Variants in MTRR observed in about 807,000 individuals in gnomAD.
MTRR encodes the protein 5-methyltetrahydrofolate-homocysteine methyltransferase reductase.
Under a neutral mutation model 79.2 loss-of-function variants are expected in MTRR, and 63 were observed. The observed-to-expected ratio is 0.80, with a 90% CI of 0.65 to 0.98. The LOEUF (loss-of-function observed/expected upper bound fraction) is 0.98, where lower values mean the gene tolerates loss of function less well. Ranked by LOEUF, MTRR falls within the 50% of genes least tolerant of loss-of-function variation. The probability of loss-of-function intolerance (pLI) is 0.00; values close to 1 mark genes in which losing one functional copy is unlikely to be tolerated. For synonymous variants in MTRR, 355 were observed against 313.3 expected, an observed-to-expected ratio of 1.13 and a Z score of -1.41; for missense variants, 895 against 839.6, an observed-to-expected ratio of 1.07 and a Z score of -0.82.
intron 8 of MTRR, among the ~76,000 whole-genome samples, chr5:7,886,926 T>C (rs1385443379): frequency 6.6e-6 from 1 of 152,184 alleles, no homozygotes; most frequent in East Asian, 1.9e-4. Context: ...TCTATTGAAA[T>C]GAGGGCTTAA....
intron 1 of MTRR, chr5:7,869,429 C>G (rs376802123): frequency 1.7e-6 from 1 of 579,092 alleles, no homozygotes; most frequent in Non-Finnish European, 3.0e-6. Flanking sequence ...TCCTTGGGCT[C>G]GGCGTCGGCC....
chr5:7,865,547 C>A (rs1475247929), upstream of MTRR, among the ~76,000 whole-genome samples: 1 of 152,182 alleles, frequency 6.6e-6, no homozygotes. Flanking sequence ...GGTATTTGTT[C>A]AGTCCAGACA....
intron 14 of MTRR, among the ~76,000 whole-genome samples, chr5:7,898,898 A>G (rs1176709889): frequency 2.0e-5 from 3 of 152,196 alleles, no homozygotes. Flanking sequence ...CTGTTGAGGA[A>G]TACCTGAGAC....
rs17208190 is a variant in MTRR, at chr5:7,897,416, G to T, written c.1952+169G>T. On this transcript the variant is annotated intron_variant, in intron 14 of 14. Transcript: ENST00000440940. ...TGAAATGATTTTGACATATTTAATA[G>T]CCCAGAGGTTGTTATTATCAGGGAA... is the stretch of plus-strand genomic sequence containing the variant. 6.2e-3 allele frequency among the ~76,000 whole-genome samples: 937 copies of T among 152,266 alleles called. 3 individuals are homozygous for T. The highest frequency in any genetic ancestry group is 0.01 in the Middle Eastern group (3 of 294).
chr5:7,892,674 T>C, intron 10 of MTRR, 53 bp from the exon 11 acceptor site: 1 of 1,542,202 alleles, frequency 6.5e-7, no homozygotes, highest in African/African-American at 1.4e-5. Flanking sequence ...GTTTGACCCA[T>C]ATGTGTAGTA....
upstream of MTRR, chr5:7,866,565 ATTGCCTTTATATGTG>A (rs1746965054): frequency 4.4e-4 from 453 of 1,033,752 alleles, 5 homozygotes; most frequent in South Asian, 6.6e-3. Context: ...AAGGCAACAT[ATTGCCTTTATATGTG>A]ACTTGAAACC....
At chr5:7,891,997 G>A (rs532430878) in intron 10 of MTRR, among the ~76,000 whole-genome samples, 1 of 152,096 alleles carries the variant, frequency 6.6e-6, no homozygotes, top group East Asian at 1.9e-4. Context: ...AGCCAAGATC[G>A]AGCCACTGCA....
chr5:7,867,373 T>A, upstream of MTRR: 1 of 1,614,192 alleles, frequency 6.2e-7, no homozygotes, highest in Non-Finnish European at 8.5e-7. Context: ...TTATAATGAG[T>A]TCTAGTGTCA....
intron 11 of MTRR, 97 bp downstream of exon 11, chr5:7,893,010 CA>C: frequency 7.5e-7 from 1 of 1,337,518 alleles, no homozygotes; most frequent in Non-Finnish European, 1.0e-6. Context: ...TCATTACTGT[CA>C]TAAGAAAATT....
At chr5:7,881,294 TTAGC>T (rs1735551571) in intron 5 of MTRR, among the ~76,000 whole-genome samples, 2 of 152,166 alleles carry the variant, frequency 1.3e-5, no homozygotes, top group South Asian at 4.1e-4. Flanking sequence ...CTTACCTTCC[TTAGC>T]TAGCCCAGTG....
chr5:7,891,898 C>T (rs555651069), intron 10 of MTRR, among the ~76,000 whole-genome samples: 62 of 152,124 alleles, frequency 4.1e-4, no homozygotes, highest in African/African-American at 1.2e-3. Flanking sequence ...AAAAATTAGC[C>T]GGGCGTGGTG....
chr5:7,886,859 A>G (rs981889786), intron 8 of MTRR, among the ~76,000 whole-genome samples, 156 bp downstream of exon 8: 1 of 152,230 alleles, frequency 6.6e-6, no homozygotes, highest in African/African-American at 2.4e-5. Flanking sequence ...GTGTGCTATC[A>G]TCGTAACTAT....
At chr5:7,869,377 A>G in intron 1 of MTRR, 162 bp downstream of exon 1, 1 of 748,776 alleles carries the variant, frequency 1.3e-6, no homozygotes, top group South Asian at 1.8e-5. Flanking sequence ...TGGGGCTCGG[A>G]CTTGGCCTTT....
intron 2 of MTRR, chr5:7,863,204 T>C (rs1746679175): frequency 1.8e-6 from 1 of 544,770 alleles, no homozygotes; most frequent in African/African-American, 1.9e-5. Flanking sequence ...AAATGTCTTT[T>C]ATATGTGTTT....
In MTRR at chr5:7,892,801, A is replaced by T. The variant is rs745518958; in HGVS notation, c.1445A>T (p.Glu482Val). The change falls in exon 11 of 15, where the codon GAG becomes GTG. Residue 482 changes from glutamate (E) to valine (V), a missense_variant. Transcript: ENST00000440940. Reference sequence around the variant, plus strand: ...GAATTTCTGTCTACTGCCACAACAGAGGTTCTGCGGAAGGGAGTATGTACA... The same window carrying T: ...GAATTTCTGTCTACTGCCACAACAGTGGTTCTGCGGAAGGGAGTATGTACA... Reference protein sequence around the residue: ...IVEFLSTATTEVLRKGVCTGW... With the variant: ...IVEFLSTATTVVLRKGVCTGW... 6.2e-7 allele frequency: 1 copy of T among 1,614,190 alleles called. No homozygotes were observed.
At position 7,878,076 on chromosome 5, in the gene MTRR, C is replaced by T. The variant is rs1417585228; in HGVS notation, c.534C>T (p.Asp178=). ...CATCACCTGCATCCTCGAGGACAGA[C>T]CTTGTGAAGTCAGAGCTGCTACACA... ...PVASPASSRT[D]LVKSELLHIE... The change falls in exon 5 of 15, where the codon GAC becomes GAT. Residue 178 remains aspartate, a synonymous_variant. Transcript: ENST00000440940. 6.2e-7 allele frequency: 1 copy of T among 1,613,902 alleles called. No homozygotes were observed. Among genetic ancestry groups the T allele is most frequent in the South Asian group, 1.1e-5 (1 of 91,072 alleles).
upstream of MTRR, chr5:7,867,930 G>T: frequency 6.2e-7 from 1 of 1,614,066 alleles, no homozygotes; most frequent in African/African-American, 1.3e-5. Context: ...ACCCCGAAAG[G>T]CTCAGGTTGT....
upstream of MTRR, chr5:7,851,100 CA>C: frequency 1.6e-6 from 2 of 1,226,524 alleles, no homozygotes; most frequent in East Asian, 6.3e-5. Context: ...CTGCAGGCCT[CA>C]GGTTGCTCAG....
Position 7,896,912 on chromosome 5 carries a change from G to T in MTRR, c.1725G>T (p.Trp575Cys). ...QHPDGNFGAMWLFFGCRHKDR... is the reference protein window; with the variant it reads ...QHPDGNFGAMCLFFGCRHKDR... ...CAGATGGAAATTTTGGAGCAATGTG[G>T]TTGTTTTTTGGCTGCAGGCATAAGG... The change falls in exon 13 of 15, where the codon TGG becomes TGT. Residue 575 changes from tryptophan (W) to cysteine (C), a missense_variant. Trp to Cys is a radical substitution (Grantham distance 215). Coordinates refer to ENST00000440940, the MANE Select transcript of MTRR (RefSeq NM_002454.3). 6.2e-7 allele frequency: 1 copy of T among 1,614,028 alleles called. No homozygotes were observed. Among genetic ancestry groups the T allele is most frequent in the Non-Finnish European group, 8.5e-7 (1 of 1,180,006 alleles).
Sources: gnomAD v4.1 joint callset for allele counts (sites outside exome capture counted in the v4.1 genomes callset) on GRCh38, gnomAD v4.1.1 for gene constraint, MANE v1.5 for transcripts, NCBI Gene and HGNC (gene_info 2026-07-23, HGNC 2026-07-21) for gene names.